Variants in TANC2 observed in about 807,000 individuals in gnomAD.
TANC2 encodes the protein tetratricopeptide repeat, ankyrin repeat and coiled-coil containing 2, also known as protein TANC2.
Under a neutral mutation model 210.5 loss-of-function variants are expected in TANC2, and 26 were observed. The observed-to-expected ratio is 0.12, with a 90% CI of 0.09 to 0.17. The LOEUF (loss-of-function observed/expected upper bound fraction) is 0.17. Ranked by LOEUF, TANC2 falls within the 10% of genes least tolerant of loss-of-function variation. TANC2 has a pLI of 1.00. For synonymous variants in TANC2, 931 were observed against 967.1 expected (o/e 0.96, Z 0.69); for missense variants, 2,129 against 2,608.9 (o/e 0.82, Z 4.01).
At position 63,421,007 on chromosome 17, in the gene TANC2, G is replaced by C; in HGVS notation, c.5277G>C (p.Gln1759His). The change falls in exon 28 of 28, where the codon CAG (glutamine) becomes CAC (histidine). Residue 1759 changes from glutamine (Q) to histidine (H), a missense_variant. This residue lies in a region of TANC2 where 584 missense variants were observed against 627.3 expected (regional missense o/e 0.93). Coordinates refer to ENST00000689528, the Ensembl canonical transcript of TANC2. The surrounding 1 kb of genome is among the most constrained non-coding windows in gnomAD (Gnocchi z 6.9). ...TCGTAGGGGATGGAAGGCCGGTGCA[G>C]CATGTCCAAGCCAGCCTGAGTGCAG... 3 of 1,614,006 alleles carry C rather than the reference G, an allele frequency of 1.9e-6. No individual in the cohort carries two copies. The highest frequency in any genetic ancestry group is 2.5e-6 in the Non-Finnish European group (3 of 1,179,880).
chr17:63,022,646 G>C (rs138654006), intron 2 of TANC2, among the ~76,000 whole-genome samples: 3 of 152,286 alleles, frequency 2.0e-5, no homozygotes, highest in Admixed American at 2.0e-4. Context: ...CAAATTCATG[G>C]GAAAATGGTC....
chr17:63,409,064 A>G (rs894317702), intron 21 of TANC2, among the ~76,000 whole-genome samples: 2 of 152,198 alleles, frequency 1.3e-5, no homozygotes, highest in African/African-American at 4.8e-5. Flanking sequence ...ACAGATCCAG[A>G]ATATGAAAGG....
intron 17 of TANC2, among the ~76,000 whole-genome samples, chr17:63,392,424 T>C (rs1203182440): frequency 6.6e-6 from 1 of 152,168 alleles, no homozygotes; most frequent in East Asian, 1.9e-4. Flanking sequence ...TAGGGAGTCA[T>C]TGACATCTTT....
intron 1 of TANC2, among the ~76,000 whole-genome samples, chr17:62,991,392 A>T (rs2032854371): frequency 6.6e-6 from 1 of 152,074 alleles, no homozygotes; most frequent in Non-Finnish European, 1.5e-5. Flanking sequence ...TAATCCCAGC[A>T]CTTTGGGAGG....
At chr17:63,175,618 T>G (rs923990998) in intron 5 of TANC2, among the ~76,000 whole-genome samples, 1 of 151,890 alleles carries the variant, frequency 6.6e-6, no homozygotes, top group Non-Finnish European at 1.5e-5. Context: ...AGCAAAGATT[T>G]CTTGGATAGG....
intron 4 of TANC2, among the ~76,000 whole-genome samples, chr17:63,144,240 T>A (rs1014937984): frequency 6.6e-6 from 1 of 152,198 alleles, no homozygotes; most frequent in African/African-American, 2.4e-5. Context: ...TTTGCTTAGA[T>A]GAAATGAATC....
At chr17:62,981,156 T>C (rs540262259) in intron 1 of TANC2, among the ~76,000 whole-genome samples, 1 of 152,346 alleles carries the variant, frequency 6.6e-6, no homozygotes, top group South Asian at 2.1e-4. Flanking sequence ...CACGTTCCCA[T>C]TGCTTAGATG....
At chr17:63,104,734 T>C (rs182393267) in intron 4 of TANC2, among the ~76,000 whole-genome samples, 107 of 152,238 alleles carry the variant, frequency 7.0e-4, no homozygotes, top group African/African-American at 2.5e-3. Flanking sequence ...TACTCGGAAG[T>C]GGGAGAGGGA....
intron 9 of TANC2, among the ~76,000 whole-genome samples, chr17:63,313,001 G>A (rs1183834370): frequency 6.6e-6 from 1 of 152,166 alleles, no homozygotes; most frequent in Admixed American, 6.5e-5. Context: ...ACACATGTAT[G>A]TGTGCGTGTG....
At chr17:63,009,814 G>A (rs1028214709) in intron 2 of TANC2, among the ~76,000 whole-genome samples, 188 bp downstream of exon 2, 2 of 152,070 alleles carry the variant, frequency 1.3e-5, no homozygotes, top group Non-Finnish European at 2.9e-5. Context: ...AGGAATAGTC[G>A]AAAGAAAGGA....
At chr17:63,262,942 T>G (rs1369309603) in intron 8 of TANC2, among the ~76,000 whole-genome samples, 1 of 152,192 alleles carries the variant, frequency 6.6e-6, no homozygotes. Context: ...TTTGCTACTC[T>G]TTTACTCTCT....
chr17:63,141,379 T>TAAAAAAAAAAAA (rs71155970), intron 4 of TANC2, among the ~76,000 whole-genome samples: 11 of 21,876 alleles, frequency 5.0e-4, no homozygotes, highest in African/African-American at 1.1e-3. Flanking sequence ...CCGTTTCTAC[T>TAAAAAAAAAAAA]AAAAAAAAAA....
intron 1 of TANC2, among the ~76,000 whole-genome samples, chr17:62,989,767 CTTTTTTTTT>C (rs369502208): frequency 3.6e-5 from 4 of 109,808 alleles, no homozygotes; most frequent in Non-Finnish European, 5.4e-5. Flanking sequence ...AAAACACATG[CTTTTTTTTT>C]TTTTTTTTTT....
At chr17:63,332,240 C>T in intron 11 of TANC2, 1 of 342,388 alleles carries the variant, frequency 2.9e-6, no homozygotes, top group Non-Finnish European at 5.7e-6. Flanking sequence ...TTTTATGGTA[C>T]AGTCTCCTTT....
chr17:63,107,218 CAA>C (rs2037860841), intron 4 of TANC2, among the ~76,000 whole-genome samples: 1 of 151,360 alleles, frequency 6.6e-6, no homozygotes, highest in South Asian at 2.1e-4. Flanking sequence ...CTTATAAAGA[CAA>C]AGTTATCAGA....
intron 8 of TANC2, among the ~76,000 whole-genome samples, chr17:63,239,287 C>T (rs746896515): frequency 8.5e-5 from 13 of 152,076 alleles, no homozygotes; most frequent in Non-Finnish European, 1.8e-4. Flanking sequence ...TTTAATAATT[C>T]AAACCTGGGA....
chr17:63,001,527 TTTC>T (rs2033381754), intron 1 of TANC2, among the ~76,000 whole-genome samples: 1 of 139,252 alleles, frequency 7.2e-6, no homozygotes, highest in East Asian at 1.9e-4. Flanking sequence ...TTTCTTTTCT[TTTC>T]TTTTTTTTTT....
At chr17:62,972,596 A>G (rs1327640314) in intron 1 of TANC2, among the ~76,000 whole-genome samples, 2 of 152,072 alleles carry the variant, frequency 1.3e-5, no homozygotes, top group African/African-American at 4.8e-5. Context: ...TTGCTTCCAG[A>G]GTGATCTTTC....
At chr17:63,373,378 T>G (rs1034435085) in intron 14 of TANC2, among the ~76,000 whole-genome samples, 1 of 152,270 alleles carries the variant, frequency 6.6e-6, no homozygotes, top group African/African-American at 2.4e-5. Context: ...ATTCAGAGTT[T>G]ATACTATACA....
Sources: allele counts gnomAD v4.1 joint callset (sites outside exome capture counted in the v4.1 genomes callset), GRCh38; gene constraint gnomAD v4.1.1; regional missense constraint gnomAD v4.1.1; non-coding constraint Gnocchi (gnomAD v3.1); transcripts MANE v1.5; gene names NCBI Gene and HGNC (gene_info 2026-07-23, HGNC 2026-07-21).